Variants in IMMP2L observed in about 807,000 individuals in gnomAD.
IMMP2L encodes the protein mitochondrial inner membrane protease subunit 2.
Under a neutral mutation model 19.3 loss-of-function variants are expected in IMMP2L, and 18 were observed. The ratio of observed to expected loss-of-function variants is 0.93; its 90% CI spans 0.64 to 1.38. The LOEUF (loss-of-function observed/expected upper bound fraction) is 1.38. Ranked by LOEUF, IMMP2L falls within the 40% of genes most tolerant of loss-of-function variation. The probability of loss-of-function intolerance (pLI) is 0.00; values close to 1 mark genes in which losing one functional copy is unlikely to be tolerated. For synonymous variants in IMMP2L, 76 were observed against 73.0 expected, an observed-to-expected ratio of 1.04 and a Z score of -0.21; for missense variants, 233 against 218.2, an observed-to-expected ratio of 1.07 and a Z score of -0.43.
intron 3 of IMMP2L, chr7:111,122,422 C>A: frequency 5.4e-6 from 1 of 184,260 alleles, no homozygotes; most frequent in Non-Finnish European, 1.1e-5. Context: ...TAGCATCATG[C>A]TGCTATTCCT....
At chr7:111,263,880 A>G (rs1334517898) in intron 3 of IMMP2L, among the ~76,000 whole-genome samples, 1 of 152,194 alleles carries the variant, frequency 6.6e-6, no homozygotes, top group African/African-American at 2.4e-5. Flanking sequence ...TTTAACAGTA[A>G]AGAAAAACGA....
At chr7:110,867,507 A>G (rs759934042) in intron 5 of IMMP2L, among the ~76,000 whole-genome samples, 1 of 152,118 alleles carries the variant, frequency 6.6e-6, no homozygotes, top group Non-Finnish European at 1.5e-5. Context: ...TTAAAATTAA[A>G]CAACTAAATG....
intron 3 of IMMP2L, among the ~76,000 whole-genome samples, chr7:111,280,724 A>G (rs1005553466): frequency 6.6e-6 from 1 of 152,162 alleles, no homozygotes; most frequent in African/African-American, 2.4e-5. Flanking sequence ...AAACTTAGTA[A>G]TAAGTGTTTA....
intron 3 of IMMP2L, among the ~76,000 whole-genome samples, chr7:111,153,457 G>A (rs1048110998): frequency 1.4e-4 from 22 of 151,942 alleles, no homozygotes; most frequent in African/African-American, 5.3e-4. Flanking sequence ...GCAGCCTTCT[G>A]GATTGTTAAA....
At chr7:111,002,648 A>C (rs115303407) in intron 3 of IMMP2L, among the ~76,000 whole-genome samples, 2,892 of 152,220 alleles carry the variant, frequency 0.019, 87 homozygotes, top group African/African-American at 0.066. Context: ...AATCAAGGGT[A>C]ATTTTTAAAA....
At position 110,840,764 on chromosome 7, in the gene IMMP2L, C is replaced by T. The variant is rs115491375; in HGVS notation, c.408+45829G>A. On this transcript the variant is annotated intron_variant, in intron 5 of 5. Transcript: ENST00000405709. ...GCCCTTGCTCCTAATGATTGTATCA[C>T]ATATATACTCATTTTATGAAAAACT... Among the ~76,000 whole-genome samples the T allele has an allele frequency of 7.3e-3, 1,112 of 152,152 alleles. 11 individuals are homozygous for T. The highest frequency in any genetic ancestry group is 0.025 in the African/African-American group (1,057 of 41,534).
At chr7:110,950,132 T>G (rs1817647030) in intron 4 of IMMP2L, among the ~76,000 whole-genome samples, 1 of 152,130 alleles carries the variant, frequency 6.6e-6, no homozygotes, top group Non-Finnish European at 1.5e-5. Flanking sequence ...TTGAGTTGAT[T>G]TTTTGTGTGG....
chr7:110,742,768 C>A (rs1217601379), intron 5 of IMMP2L, among the ~76,000 whole-genome samples: 19 of 121,568 alleles, frequency 1.6e-4, no homozygotes, highest in Admixed American at 2.6e-4. Context: ...AACTCCGTCT[C>A]AAAAAAAAAA....
intron 4 of IMMP2L, among the ~76,000 whole-genome samples, chr7:110,933,797 T>C (rs534936972): frequency 3.2e-4 from 48 of 152,302 alleles, no homozygotes; most frequent in African/African-American, 1.2e-3. Flanking sequence ...TTTATTTTCC[T>C]ATTAATGATG....
intron 3 of IMMP2L, among the ~76,000 whole-genome samples, chr7:111,444,395 C>G (rs553283471): frequency 1.3e-5 from 2 of 152,034 alleles, no homozygotes; most frequent in East Asian, 1.9e-4. Context: ...CACTTACAAG[C>G]TTGGACAAGT....
chr7:111,322,712 T>A (rs917869336), intron 3 of IMMP2L, among the ~76,000 whole-genome samples: 3 of 151,710 alleles, frequency 2.0e-5, no homozygotes, highest in African/African-American at 7.2e-5. Context: ...AACCTACTAA[T>A]AATGAATAAT....
intron 3 of IMMP2L, among the ~76,000 whole-genome samples, chr7:110,996,760 C>T (rs1303588630): frequency 4.6e-5 from 7 of 151,808 alleles, no homozygotes; most frequent in Non-Finnish European, 1.0e-4. Flanking sequence ...TCTGTATAAC[C>T]TTCACTCAGT....
intron 3 of IMMP2L, among the ~76,000 whole-genome samples, chr7:111,163,828 GTTCTAAA>G (rs1805529015): frequency 6.6e-6 from 1 of 151,936 alleles, no homozygotes; most frequent in Non-Finnish European, 1.5e-5. Context: ...GAATGTCTTT[GTTCTAAA>G]GTAACTCAGC....
intron 3 of IMMP2L, among the ~76,000 whole-genome samples, chr7:111,210,995 T>C (rs1243447049): frequency 6.6e-6 from 1 of 152,150 alleles, no homozygotes; most frequent in Non-Finnish European, 1.5e-5. Context: ...AAAATGTTCT[T>C]CTTCTTCCTA....
At chr7:111,294,036 A>T (rs1821382180) in intron 3 of IMMP2L, among the ~76,000 whole-genome samples, 1 of 151,962 alleles carries the variant, frequency 6.6e-6, no homozygotes, top group Non-Finnish European at 1.5e-5. Context: ...ACTGCTCTAA[A>T]CCACTGCTAT....
chr7:111,462,694 A>G (rs1840244123), intron 3 of IMMP2L, among the ~76,000 whole-genome samples: 1 of 152,116 alleles, frequency 6.6e-6, no homozygotes, highest in Non-Finnish European at 1.5e-5. Context: ...AAATGTGCTT[A>G]CAGACCTAAC....
chr7:111,197,730 T>A (rs1270501328), intron 3 of IMMP2L, among the ~76,000 whole-genome samples: 1 of 152,178 alleles, frequency 6.6e-6, no homozygotes, highest in Non-Finnish European at 1.5e-5. Context: ...TTCAGTGTGT[T>A]CACTCAATAC....
chr7:111,293,312 T>C (rs1261202940), intron 3 of IMMP2L, among the ~76,000 whole-genome samples: 1 of 152,002 alleles, frequency 6.6e-6, no homozygotes, highest in African/African-American at 2.4e-5. Flanking sequence ...CAATTTTTGA[T>C]TCTAATGTTT....
chr7:110,842,378 G>A lies in IMMP2L; in HGVS notation c.408+44215C>T, dbSNP rs149611606. Among the ~76,000 whole-genome samples the A allele has an allele frequency of 5.3e-5, 8 of 152,260 alleles. No homozygotes were observed. In the East Asian group the frequency reaches 1.5e-3, roughly 29 times the overall value. On this transcript the variant is annotated intron_variant, in intron 5 of 5. Transcript: ENST00000405709. ...TGGTGTGCTGTAACATAATGCCTTTGAAACAGAGGCTTGAGTTCGGGTCCA... is the reference window on the plus strand; with the variant it reads ...TGGTGTGCTGTAACATAATGCCTTTAAAACAGAGGCTTGAGTTCGGGTCCA...
Sources: allele counts gnomAD v4.1 joint callset (sites outside exome capture counted in the v4.1 genomes callset), GRCh38; gene constraint gnomAD v4.1.1; transcripts MANE v1.5; gene names NCBI Gene and HGNC (gene_info 2026-07-23, HGNC 2026-07-21).